The following MCMDC2 variants were observed in gnomAD, a reference collection of about 807,000 sequenced individuals.
The protein encoded by MCMDC2 is minichromosome maintenance domain-containing protein 2.
Under a neutral mutation model 75.8 loss-of-function variants are expected in MCMDC2, and 54 were observed. The ratio of observed to expected loss-of-function variants is 0.71; its 90% CI spans 0.57 to 0.89. The LOEUF (loss-of-function observed/expected upper bound fraction) is 0.89, where lower values mean the gene tolerates loss of function less well. Among genes scored for constraint, MCMDC2 ranks in the 40% least tolerant of loss-of-function variants. The pLI is 0.00. For synonymous variants in MCMDC2, 249 were observed against 274.6 expected (o/e 0.91, Z 0.92); for missense variants, 656 against 780.4 (o/e 0.84, Z 1.90).
Position 66,921,837 on chromosome 8 carries a change from C to T in MCMDC2, c.*2668C>T, listed in dbSNP as rs1813544984. 1 of 152,154 alleles carries T rather than the reference C, an allele frequency of 6.6e-6. No individual in the cohort carries two copies. The highest frequency in any genetic ancestry group is 1.5e-5 in the Non-Finnish European group (1 of 68,036). 9.4% of individuals were successfully genotyped at this position (152,154 alleles called of 1,614,324 possible). A position where few individuals can be genotyped will look rare whatever the true frequency, so the allele number is the denominator to read the frequency against. ...CAGCTGTCAGCCTCAATGAGAATCA[C>T]CACCCATAAATAAGCTAATTATTGA... On this transcript the variant is annotated 3_prime_UTR_variant, in exon 15 of 15. Coordinates refer to ENST00000422365, the MANE Select transcript of MCMDC2 (RefSeq NM_173518.5).
intron 2 of MCMDC2, 24 bp from the exon 3 acceptor site, chr8:66,874,302 T>A (rs778206498): frequency 6.2e-7 from 1 of 1,607,232 alleles, no homozygotes; most frequent in South Asian, 1.1e-5. Flanking sequence ...CTATCCTGAC[T>A]TTTACATTTG....
chr8:66,911,892 G>A (rs1365442724), intron 14 of MCMDC2, among the ~76,000 whole-genome samples: 1 of 152,014 alleles, frequency 6.6e-6, no homozygotes, highest in African/African-American at 2.4e-5. Flanking sequence ...CCTCCCAAGA[G>A]CTCTAATGAA....
intron 10 of MCMDC2, among the ~76,000 whole-genome samples, chr8:66,894,881 C>A (rs911072467): frequency 1.3e-5 from 2 of 152,152 alleles, no homozygotes; most frequent in Non-Finnish European, 2.9e-5. Context: ...AGCCCCATAC[C>A]CATTAGCAGT....
intron 9 of MCMDC2, among the ~76,000 whole-genome samples, chr8:66,890,388 T>G (rs2130821985): frequency 6.6e-6 from 1 of 151,870 alleles, no homozygotes; most frequent in East Asian, 1.9e-4. Flanking sequence ...CTAAAGACTT[T>G]TTTTTTTTTT....
chr8:66,912,522 A>G (rs563995927), intron 14 of MCMDC2, among the ~76,000 whole-genome samples: 1 of 152,292 alleles, frequency 6.6e-6, no homozygotes, highest in South Asian at 2.1e-4. Context: ...ATATGCTATC[A>G]AACAACATCA....
rs1490142576 is a variant in MCMDC2, at chr8:66,878,647, T to C, written c.555T>C (p.Asn185=). 19 of 1,571,666 alleles carry C rather than the reference T, an allele frequency of 1.2e-5. No individual in the cohort carries two copies. The highest frequency in any genetic ancestry group is 1.6e-5 in the Non-Finnish European group (19 of 1,166,126). The part of the protein sequence containing the change: ...SATIRNDFLC[N]LCASSLQEDR... ...CGATAAGAAATGACTTTTTGTGTAA[T>C]CTATGTGCATCTTCACTTCAAGAAG... Residue 185 remains asparagine (N), a synonymous_variant, in exon 6 of 15, where the codon AAT becomes AAC. Transcript: ENST00000422365.
intron 14 of MCMDC2, among the ~76,000 whole-genome samples, chr8:66,910,866 C>A (rs1469285210): frequency 6.6e-6 from 1 of 151,830 alleles, no homozygotes; most frequent in East Asian, 1.9e-4. Flanking sequence ...GGGCTTGCAG[C>A]CCCTTCATTT....
rs545643055 is a variant in MCMDC2 at position 66,874,167 on chromosome 8, G to A, written c.27G>A (p.Ala9=). Reference sequence around the variant, plus strand: ...TGTCAAATCTAAAAATGAAAGAGGCGGCCCTCATCTATCTTGACAGAAGTG... The same window carrying A: ...TGTCAAATCTAAAAATGAAAGAGGCAGCCCTCATCTATCTTGACAGAAGTG... MSNLKMKE[A]ALIYLDRSGG... Residue 9 remains alanine, a synonymous_variant, in exon 2 of 15, where the codon GCG becomes GCA. Transcript: ENST00000422365. The A allele has an allele frequency of 1.7e-5, 28 of 1,601,138 alleles. No homozygotes were observed. In the East Asian group the frequency reaches 5.2e-4, roughly 29 times the overall value.
chr8:66,894,189 A>C (rs1341245318), intron 10 of MCMDC2, among the ~76,000 whole-genome samples: 2 of 152,194 alleles, frequency 1.3e-5, no homozygotes. Flanking sequence ...TTATATTTCC[A>C]TATCAACACA....
At chr8:66,902,703 AAAAAAAAAAT>A (rs1812728480) in intron 13 of MCMDC2, among the ~76,000 whole-genome samples, 2 of 129,738 alleles carry the variant, frequency 1.5e-5, no homozygotes, top group South Asian at 2.5e-4. Context: ...AAAAAAAAAA[AAAAAAAAAAT>A]ATATATATAT....
At position 66,878,917 on chromosome 8, in the gene MCMDC2, G is replaced by A. The variant is rs1189961915; in HGVS notation, c.707G>A (p.Arg236Lys). Residue 236 changes from arginine to lysine, a missense_variant and splice_region_variant, in exon 7 of 15, where the codon AGA (arginine) becomes AAA (lysine). Coordinates refer to ENST00000422365, the MANE Select transcript of MCMDC2 (RefSeq NM_173518.5). Reference sequence around the variant, plus strand: ...TTTCAATCACTTACAATTTTCCTAAGAGGTAAGTGAATTCTGTTTGAACTA... The same window carrying A: ...TTTCAATCACTTACAATTTTCCTAAAAGGTAAGTGAATTCTGTTTGAACTA... ...FRFQSLTIFL[R>K]DESVNKMNIG... 7.6e-6 allele frequency: 12 copies of A among 1,579,292 alleles called. No individual in the cohort carries two copies. The East Asian group carries it at 2.0e-4, about 27-fold the overall frequency.
At position 66,890,916 on chromosome 8, in the gene MCMDC2, C is replaced by T. The variant is rs1295797129; in HGVS notation, c.1125C>T (p.Val375=). The T allele has an allele frequency of 1.1e-5, 17 of 1,613,432 alleles. No homozygotes were observed. Among genetic ancestry groups the T allele is most frequent in the Admixed American group, 3.3e-5 (2 of 59,900 alleles). The change falls in exon 10 of 15, where the codon GTC becomes GTT. Residue 375 remains valine (V), a synonymous_variant. Coordinates refer to ENST00000422365, the MANE Select transcript of MCMDC2 (RefSeq NM_173518.5). ...TCCCCCGTGGTATACGTCATCTAGT[C>T]TCTACTGAAATTTTTCCCACTCTAT... ...NLVPRGIRHL[V]STEIFPTLSR...
intron 14 of MCMDC2, among the ~76,000 whole-genome samples, chr8:66,908,258 G>A (rs1249692958): frequency 6.6e-6 from 1 of 152,170 alleles, no homozygotes; most frequent in Non-Finnish European, 1.5e-5. Context: ...AAGGTGTAAG[G>A]AAGGGGTCCA....
At chr8:66,918,561 C>T (rs999713253) in intron 14 of MCMDC2, among the ~76,000 whole-genome samples, 1 of 152,156 alleles carries the variant, frequency 6.6e-6, no homozygotes, top group Non-Finnish European at 1.5e-5. Context: ...TATCTTTGAT[C>T]GTCCACTTAG....
intron 9 of MCMDC2, among the ~76,000 whole-genome samples, chr8:66,888,489 G>C (rs540975554): frequency 6.5e-4 from 99 of 152,198 alleles, no homozygotes; most frequent in Non-Finnish European, 1.2e-3. Flanking sequence ...TAATAATATT[G>C]AGTCTTCCAA....
chr8:66,894,160 G>T (rs1812236429), intron 10 of MCMDC2, among the ~76,000 whole-genome samples: 1 of 152,114 alleles, frequency 6.6e-6, no homozygotes, highest in Non-Finnish European at 1.5e-5. Flanking sequence ...TGTGTCATGG[G>T]TGCACTATAA....
Position 66,921,332 on chromosome 8 carries a change from AACT to A in MCMDC2, c.*2167_*2169del, listed in dbSNP as rs1397777693. The A allele has an allele frequency of 6.6e-6, 1 of 152,178 alleles. No individual in the cohort carries two copies. Among genetic ancestry groups the A allele is most frequent in the Admixed American group, 6.5e-5 (1 of 15,280 alleles). The allele number at this position is 152,178 out of a possible 1,614,324, so 9.4% of individuals were successfully genotyped here. ...GGCTGCACAAAAAGCTCAGACTCCA[AACT>A]ACTTCATATACCTATGCAACAGAAC... On this transcript the variant is annotated 3_prime_UTR_variant, in exon 15 of 15. Transcript: ENST00000422365.
chr8:66,889,842 C>G (rs998075267), intron 9 of MCMDC2, among the ~76,000 whole-genome samples: 15 of 152,162 alleles, frequency 9.9e-5, no homozygotes, highest in South Asian at 8.3e-4. Context: ...GAGAGAGACT[C>G]AAACAGAACA....
intron 13 of MCMDC2, 129 bp from the exon 14 acceptor site, chr8:66,905,097 A>AT: frequency 1.4e-6 from 1 of 696,512 alleles, no homozygotes; most frequent in African/African-American, 1.9e-5. Context: ...GAAACTAAAA[A>AT]TTTTTTTAAA....
Sources: gnomAD v4.1 joint callset for allele counts (sites outside exome capture counted in the v4.1 genomes callset) on GRCh38, gnomAD v4.1.1 for gene constraint, MANE v1.5 for transcripts, NCBI Gene and HGNC (gene_info 2026-07-23, HGNC 2026-07-21) for gene names.